The following SCN9A variants were observed in gnomAD, a reference collection of about 807,000 sequenced individuals.
SCN9A encodes sodium channel protein type 9 subunit alpha.
A neutral mutation model predicts 187.0 loss-of-function variants in SCN9A; 131 were observed. That is an observed-to-expected ratio of 0.70 (90% confidence interval 0.61 to 0.81). The LOEUF is 0.81. Among genes scored for constraint, SCN9A ranks in the 30% least tolerant of loss-of-function variants. SCN9A has a pLI of 0.00. For missense variants in SCN9A, 2,252 were observed against 2,396.6 expected, an observed-to-expected ratio of 0.94 and a Z score of 1.26; for synonymous variants, 809 against 808.6, an observed-to-expected ratio of 1.00 and a Z score of -0.01.
chr2:166,215,586 G>A (rs1694295875), intron 24 of SCN9A, among the ~76,000 whole-genome samples: 1 of 151,858 alleles, frequency 6.6e-6, no homozygotes, highest in African/African-American at 2.4e-5. Context: ...GACTAACACT[G>A]ATAACACATA....
Position 166,242,672 on chromosome 2 carries a change from T to C in SCN9A, c.3473-16A>G. On this transcript the variant is annotated splice_polypyrimidine_tract_variant and intron_variant, in intron 18 of 26. Transcript: ENST00000642356. Reference sequence around the variant, plus strand: ...CATACACAACCTGACAAGAAAGACATGCATGTTAAATCTTGATATTCAGAA... The same window carrying C: ...CATACACAACCTGACAAGAAAGACACGCATGTTAAATCTTGATATTCAGAA... 3 of 1,535,060 alleles carry C rather than the reference T, an allele frequency of 2.0e-6. No homozygotes were observed. The highest frequency in any genetic ancestry group is 2.6e-6 in the Non-Finnish European group (3 of 1,136,318).
chr2:166,356,301 C>G (rs995397317), intron 1 of SCN9A, among the ~76,000 whole-genome samples: 1 of 152,108 alleles, frequency 6.6e-6, no homozygotes, highest in South Asian at 2.1e-4. Context: ...TATTAATACT[C>G]TACATTTTTA....
chr2:166,212,500 A>G (rs1694141791), intron 24 of SCN9A, among the ~76,000 whole-genome samples: 1 of 152,230 alleles, frequency 6.6e-6, no homozygotes, highest in Non-Finnish European at 1.5e-5. Context: ...GCAATCATTG[A>G]CAGATCTGAA....
chr2:166,265,282 T>G (rs1223020613), intron 17 of SCN9A, among the ~76,000 whole-genome samples: 1 of 151,998 alleles, frequency 6.6e-6, no homozygotes, highest in African/African-American at 2.4e-5. Context: ...ACCCTTTAGA[T>G]TCCACATATG....
intron 20 of SCN9A, among the ~76,000 whole-genome samples, chr2:166,236,483 C>T (rs1303675694): frequency 2.6e-5 from 4 of 152,098 alleles, no homozygotes; most frequent in Non-Finnish European, 4.4e-5. Context: ...TGCAGTGGCA[C>T]GATCTCGACT....
At chr2:166,320,443 A>G (rs1034279636) in intron 1 of SCN9A, among the ~76,000 whole-genome samples, 1 of 152,170 alleles carries the variant, frequency 6.6e-6, no homozygotes, top group African/African-American at 2.4e-5. Context: ...GATCTCTTTC[A>G]GGTAAATTGG....
intron 19 of SCN9A, among the ~76,000 whole-genome samples, chr2:166,240,863 G>T (rs1050147108): frequency 7.2e-5 from 11 of 152,066 alleles, no homozygotes; most frequent in Non-Finnish European, 1.6e-4. Context: ...CAAAGAGCAG[G>T]GTTGCTTATG....
intron 17 of SCN9A, among the ~76,000 whole-genome samples, chr2:166,261,318 G>C (rs1261014514): frequency 1.3e-5 from 2 of 151,900 alleles, no homozygotes; most frequent in African/African-American, 4.8e-5. Context: ...GTTGTTAGGG[G>C]TGGCCATGTC....
intron 1 of SCN9A, among the ~76,000 whole-genome samples, chr2:166,352,504 G>T (rs1384502440): frequency 6.6e-6 from 1 of 152,152 alleles, no homozygotes; most frequent in East Asian, 1.9e-4. Context: ...ATTCTGTACT[G>T]AAGTATAGAA....
At chr2:166,252,242 A>G in intron 17 of SCN9A, among the ~76,000 whole-genome samples, 1 of 151,976 alleles carries the variant, frequency 6.6e-6, no homozygotes, top group East Asian at 1.9e-4. Flanking sequence ...GACACTGACA[A>G]TCATTATTTG....
Position 166,311,593 on chromosome 2 carries a change from G to A in SCN9A, c.164C>T (p.Ala55Val). The A allele has an allele frequency of 6.2e-7, 1 of 1,613,092 alleles. No individual in the cohort carries two copies. The highest frequency in any genetic ancestry group is 8.5e-7 in the Non-Finnish European group (1 of 1,179,738). Reference sequence around the variant, plus strand: ...ATAGATGAAGGGCAGCTGTTTGCCAGCTTCCAAGTCACTGCTTGGCTTTGG... The same window carrying A: ...ATAGATGAAGGGCAGCTGTTTGCCAACTTCCAAGTCACTGCTTGGCTTTGG... ...EAPKPSSDLE[A>V]GKQLPFIYGD... The change falls in exon 2 of 27, where the codon GCT (alanine) becomes GTT (valine). Residue 55 changes from alanine (A) to valine (V), a missense_variant. By Grantham distance (64) the Ala-to-Val change is moderately conservative (BLOSUM62 0). This residue lies in a region of SCN9A where 1,013 missense variants were observed against 997.4 expected (regional missense o/e 1.02). Transcript: ENST00000642356.
chr2:166,338,232 C>G (rs886202577), intron 1 of SCN9A, among the ~76,000 whole-genome samples: 1 of 152,092 alleles, frequency 6.6e-6, no homozygotes, highest in African/African-American at 2.4e-5. Flanking sequence ...GAACCCTTAT[C>G]AATTGTAACA....
rs766107137 is a variant in SCN9A at position 166,293,451 on chromosome 2, T to C, written c.966-79A>G. On this transcript the variant is annotated intron_variant, in intron 8 of 26. Coordinates refer to ENST00000642356, the MANE Select transcript of SCN9A (RefSeq NM_001365536.1). ...ATAGCCTTACTGAAAAGTTACAAACTCAAGGTTTCTTCTATAGGGGGACAA... is the reference window on the plus strand; with the variant it reads ...ATAGCCTTACTGAAAAGTTACAAACCCAAGGTTTCTTCTATAGGGGGACAA... 3 of 1,268,582 alleles carry C rather than the reference T, an allele frequency of 2.4e-6. No individual in the cohort carries two copies. The South Asian group carries it at 5.4e-5, about 23-fold the overall frequency. The allele number at this position is 1,268,582 out of a possible 1,614,324, so 78.6% of individuals were successfully genotyped here. A position where few individuals can be genotyped will look rare whatever the true frequency, so the allele number is the denominator to read the frequency against.
chr2:166,303,365 C>T (rs1698643507), intron 6 of SCN9A, 63 bp from the exon 7 acceptor site: 1 of 1,306,686 alleles, frequency 7.7e-7, no homozygotes, highest in Non-Finnish European at 1.1e-6. Context: ...ACAAAAAACA[C>T]AAGCTTTCCT....
intron 8 of SCN9A, 60 bp from the exon 9 acceptor site, chr2:166,293,432 T>G: frequency 7.0e-7 from 1 of 1,428,626 alleles, no homozygotes; most frequent in South Asian, 1.6e-5. Context: ...CTAAATAGCC[T>G]TACTGAAAAG....
chr2:166,262,017 C>T (rs978093271), intron 17 of SCN9A, among the ~76,000 whole-genome samples: 3 of 151,914 alleles, frequency 2.0e-5, no homozygotes, highest in African/African-American at 7.2e-5. Flanking sequence ...ATGATCTGGA[C>T]TTTAGTGATA....
chr2:166,321,655 G>A (rs540871938), intron 1 of SCN9A: 18 of 152,020 alleles, frequency 1.2e-4, no homozygotes, highest in African/African-American at 4.3e-4. Flanking sequence ...GGAAGTTGAA[G>A]GAGAGAAGGA....
intron 3 of SCN9A, 142 bp downstream of exon 3, chr2:166,306,814 C>G: frequency 1.6e-6 from 1 of 640,792 alleles, no homozygotes; most frequent in South Asian, 2.0e-5. Flanking sequence ...AGACCCATGA[C>G]AAATTATATT....
intron 1 of SCN9A, among the ~76,000 whole-genome samples, chr2:166,373,463 T>A (rs1222455215): frequency 6.6e-6 from 1 of 152,036 alleles, no homozygotes; most frequent in East Asian, 1.9e-4. Context: ...AAGTAAATTA[T>A]GATGATGACC....
Sources: allele counts gnomAD v4.1 joint callset (sites outside exome capture counted in the v4.1 genomes callset), GRCh38; gene constraint gnomAD v4.1.1; regional missense constraint gnomAD v4.1.1; transcripts MANE v1.5; gene names NCBI Gene and HGNC (gene_info 2026-07-23, HGNC 2026-07-21).